The following MSN variants were observed in gnomAD, a reference collection of about 807,000 sequenced individuals.
MSN encodes the protein epididymis luminal protein 70.
MSN carries 2 observed loss-of-function variants against 48.0 expected under a neutral mutation model. The ratio of observed to expected loss-of-function variants is 0.04; its 90% confidence interval spans 0.02 to 0.13. The LOEUF (loss-of-function observed/expected upper bound fraction) is 0.13. Among genes scored for constraint, MSN ranks in the 10% least tolerant of loss-of-function variants. The pLI, the probability that MSN is intolerant of heterozygous loss-of-function variation, is 1.00. For missense variants in MSN, 267 were observed against 470.1 expected (o/e 0.57, Z 3.99); for synonymous variants, 146 against 166.9 (o/e 0.87, Z 0.97).
intron 1 of MSN, among the ~76,000 whole-genome samples, chrX:65,639,737 G>A (rs1395276378): frequency 9.0e-6 from 1 of 111,677 alleles, no homozygotes; most frequent in African/African-American, 3.3e-5. Flanking sequence ...TAATCAGGAA[G>A]CAGAAGGCAG....
chrX:65,603,678 C>T (rs1287200450), intron 1 of MSN, among the ~76,000 whole-genome samples: 3 of 112,346 alleles, frequency 2.7e-5, no homozygotes, highest in Non-Finnish European at 3.8e-5. Context: ...GATTATAGGG[C>T]TTCTTCAGAC....
intron 1 of MSN, among the ~76,000 whole-genome samples, chrX:65,659,301 G>A (rs2070805089): frequency 9.1e-6 from 1 of 110,480 alleles, no homozygotes; most frequent in African/African-American, 3.3e-5. Context: ...CCACAGGTAC[G>A]TACCACCATG....
intron 1 of MSN, among the ~76,000 whole-genome samples, chrX:65,601,067 G>T (rs776397093): frequency 5.4e-5 from 6 of 111,791 alleles, no homozygotes; most frequent in Non-Finnish European, 1.1e-4. Context: ...TCTCACAGAG[G>T]AATTTGAACT....
At chrX:65,660,982 G>A (rs774628116) in intron 1 of MSN, among the ~76,000 whole-genome samples, 1 of 109,826 alleles carries the variant, frequency 9.1e-6, no homozygotes, top group African/African-American at 3.3e-5. Context: ...TTGTTTTTTT[G>A]AGATGGAGTC....
At chrX:65,619,295 C>A (rs1029278838) in intron 1 of MSN, among the ~76,000 whole-genome samples, 6 of 102,210 alleles carry the variant, frequency 5.9e-5, no homozygotes, top group Non-Finnish European at 1.2e-4. Flanking sequence ...TAATATCCTG[C>A]AGAGTGTTTT....
intron 1 of MSN, among the ~76,000 whole-genome samples, chrX:65,686,669 T>TG (rs978797280): frequency 1.1e-4 from 12 of 112,387 alleles, no homozygotes; most frequent in Admixed American, 1.0e-3. Context: ...TGTTTGACCT[T>TG]GGAGAAATCC....
chrX:65,683,917 CTCT>C (rs1355261715), intron 1 of MSN, among the ~76,000 whole-genome samples: 1 of 108,666 alleles, frequency 9.2e-6, no homozygotes, highest in Admixed American at 9.9e-5. Context: ...TGAACATAAA[CTCT>C]TTTTTTTCTT....
rs375017660 is a variant in MSN at position 65,711,659 on chromosome X, T to G, written c.13-5159T>G. The stretch of plus-strand genomic sequence containing the variant: ...ATAAGCACATATTATTAAATTTTGA[T>G]TTATATTTCAAATATTTCGATATAA... On this transcript the variant is annotated intron_variant, in intron 1 of 12. Transcript: ENST00000360270. Among the ~76,000 whole-genome samples, 15 of 112,761 alleles carry G rather than the reference T, an allele frequency of 1.3e-4. No homozygotes were observed. In the East Asian group the frequency reaches 3.9e-3, roughly 29 times the overall value.
chrX:65,593,688 G>T (rs572568683), intron 1 of MSN, among the ~76,000 whole-genome samples: 1 of 111,759 alleles, frequency 8.9e-6, no homozygotes, highest in African/African-American at 3.3e-5. Flanking sequence ...GATTACAGGC[G>T]CATGCCACCA....
chrX:65,642,982 C>T (rs2070669154), intron 1 of MSN, among the ~76,000 whole-genome samples: 1 of 110,744 alleles, frequency 9.0e-6, no homozygotes, highest in South Asian at 3.8e-4. Context: ...CCACCCCATC[C>T]CACTCGCTTC....
rs2071722581 is a variant in MSN at position 65,740,212 on chromosome X, T to A, written c.*319T>A. 4.3e-6 allele frequency: 1 copy of A among 230,187 alleles called. No individual in the cohort carries two copies. The highest frequency in any genetic ancestry group is 2.8e-5 in the African/African-American group (1 of 36,053). The allele number at this position is 230,187 out of a possible 1,213,427, so 19.0% of individuals were successfully genotyped here. Reference sequence around the variant, plus strand: ...ATTTTGCAAATGCCCTTACACTTACTGTTGTCCTATGGGAGTCAAGTGTGG... The same window carrying A: ...ATTTTGCAAATGCCCTTACACTTACAGTTGTCCTATGGGAGTCAAGTGTGG... On this transcript the variant is annotated 3_prime_UTR_variant, in exon 13 of 13. Transcript: ENST00000360270.
intron 1 of MSN, among the ~76,000 whole-genome samples, chrX:65,642,499 T>A (rs1464884404): frequency 9.0e-6 from 1 of 110,886 alleles, no homozygotes; most frequent in African/African-American, 3.3e-5. Context: ...GCGACACAAG[T>A]CATAGACAAG....
intron 1 of MSN, among the ~76,000 whole-genome samples, chrX:65,679,280 G>A (rs144089677): frequency 8.9e-6 from 1 of 111,807 alleles, no homozygotes; most frequent in Non-Finnish European, 1.9e-5. Flanking sequence ...TAAAACTGAG[G>A]ACATATGAGA....
intron 1 of MSN, among the ~76,000 whole-genome samples, chrX:65,611,642 T>C (rs916104272): frequency 2.7e-5 from 3 of 112,213 alleles, no homozygotes; most frequent in African/African-American, 9.7e-5. Flanking sequence ...GCTTCTACCT[T>C]TCAGCTATTT....
At chrX:65,644,825 A>C (rs2070683180) in intron 1 of MSN, among the ~76,000 whole-genome samples, 1 of 112,237 alleles carries the variant, frequency 8.9e-6, no homozygotes, top group African/African-American at 3.2e-5. Context: ...ACTGGAGAGC[A>C]GGGTGATGGG....
intron 1 of MSN, among the ~76,000 whole-genome samples, chrX:65,658,890 G>A (rs771908701): frequency 7.3e-5 from 8 of 108,889 alleles, no homozygotes; most frequent in African/African-American, 2.7e-4. Context: ...TGTCACCCAG[G>A]CTGGAGTGCA....
At chrX:65,679,193 T>C (rs1201583857) in intron 1 of MSN, among the ~76,000 whole-genome samples, 1 of 111,587 alleles carries the variant, frequency 9.0e-6, no homozygotes, top group Non-Finnish European at 1.9e-5. Flanking sequence ...TTTTTGGTCA[T>C]CTGTGACTCA....
At chrX:65,735,008 T>C (rs923779558) in intron 7 of MSN, among the ~76,000 whole-genome samples, 1 of 112,158 alleles carries the variant, frequency 8.9e-6, no homozygotes, top group Non-Finnish European at 1.9e-5. Context: ...AATTGTGGTT[T>C]CATAAGCAAA....
chrX:65,604,420 A>G (rs1334538603), intron 1 of MSN, among the ~76,000 whole-genome samples: 1 of 111,964 alleles, frequency 8.9e-6, no homozygotes, highest in Non-Finnish European at 1.9e-5. Flanking sequence ...AGTTGAAGCC[A>G]CAGGAAACCA....
Sources: allele counts gnomAD v4.1 joint callset (sites outside exome capture counted in the v4.1 genomes callset), GRCh38; gene constraint gnomAD v4.1.1; transcripts MANE v1.5; gene names NCBI Gene and HGNC (gene_info 2026-07-23, HGNC 2026-07-21).